The following SPATA7 variants were observed in gnomAD, a reference collection of about 807,000 sequenced individuals.
SPATA7 encodes spermatogenesis-associated protein 7.
In SPATA7, 43 loss-of-function variants were observed where a neutral mutation model predicts 51.8. The observed-to-expected ratio is 0.83, with a 90% CI of 0.65 to 1.07. The LOEUF (loss-of-function observed/expected upper bound fraction) is 1.07. SPATA7 is among the 50% of genes least tolerant of loss of function. The pLI is 0.00. For synonymous variants in SPATA7, 230 were observed against 252.8 expected (o/e 0.91, Z 0.86); for missense variants, 683 against 701.3 (o/e 0.97, Z 0.30).
intron 4 of SPATA7, chr14:88,467,888 G>C (rs1241650341): frequency 1.9e-6 from 1 of 536,094 alleles, no homozygotes; most frequent in Non-Finnish European, 3.3e-6. Flanking sequence ...CTGCAAACCG[G>C]ACAGACCGGG....
chr14:88,462,720 GTTTA>G (rs1231362896), intron 4 of SPATA7, among the ~76,000 whole-genome samples: 1 of 152,116 alleles, frequency 6.6e-6, no homozygotes, highest in Non-Finnish European at 1.5e-5. Context: ...TTTAAAGTGC[GTTTA>G]TTTGACACAC....
rs1199624480 is a variant in SPATA7, at chr14:88,385,744, C to T, written c.-75C>T. The T allele has an allele frequency of 3.4e-6, 5 of 1,450,968 alleles. No individual in the cohort carries two copies. Among genetic ancestry groups the T allele is most frequent in the Middle Eastern group, 1.8e-4 (1 of 5,484 alleles). 89.9% of individuals were successfully genotyped at this position (1,450,968 alleles called of 1,614,324 possible). A position where few individuals can be genotyped will look rare whatever the true frequency, so the allele number is the denominator to read the frequency against. ...CTCCTCTTTTCCAGTCCTCCACTGC[C>T]GGGGCTGGGCCCGGCCGCGGGAAGG... On this transcript the variant is annotated 5_prime_UTR_variant, in exon 1 of 12. Coordinates refer to ENST00000393545, the MANE Select transcript of SPATA7 (RefSeq NM_018418.5).
At chr14:88,415,295 C>T in intron 4 of SPATA7, 1 of 312,262 alleles carries the variant, frequency 3.2e-6, no homozygotes, top group African/African-American at 2.2e-5. Context: ...AATCCTTCGT[C>T]ATTATGTAAT....
chr14:88,417,989 A>G (rs1566771659), intron 5 of SPATA7, among the ~76,000 whole-genome samples: 1 of 152,186 alleles, frequency 6.6e-6, no homozygotes, highest in Non-Finnish European at 1.5e-5. Context: ...TTTTTAAGTC[A>G]TTATAGAATG....
At chr14:88,428,535 G>T (rs1448418465) in intron 7 of SPATA7, 1 of 152,136 alleles carries the variant, frequency 6.6e-6, no homozygotes, top group Non-Finnish European at 1.5e-5. Flanking sequence ...TAGAAAAACT[G>T]TACTTAACTT....
intron 4 of SPATA7, among the ~76,000 whole-genome samples, chr14:88,397,707 A>G (rs1021381256): frequency 2.0e-5 from 3 of 152,108 alleles, no homozygotes; most frequent in Non-Finnish European, 2.9e-5. Context: ...GAATCCTTAT[A>G]TATCTACCCT....
downstream of SPATA7, among the ~76,000 whole-genome samples, chr14:88,459,782 A>T (rs1243565346): frequency 1.3e-5 from 2 of 152,156 alleles, no homozygotes; most frequent in African/African-American, 2.4e-5. Context: ...TATTTTGCTC[A>T]TTAGTTGATG....
chr14:88,449,707 C>A (rs765338515), intron 3 of SPATA7, among the ~76,000 whole-genome samples: 6 of 152,026 alleles, frequency 3.9e-5, no homozygotes, highest in South Asian at 2.1e-4. Flanking sequence ...GTATTAACAT[C>A]TATCTCATTT....
exon 5 of SPATA7, chr14:88,470,086 G>A: frequency 6.3e-7 from 1 of 1,599,484 alleles, no homozygotes; most frequent in Non-Finnish European, 8.6e-7. Flanking sequence ...TTGATGTGTG[G>A]GTATAATATA....
chr14:88,452,503 C>CT (rs140429381), intron 3 of SPATA7, among the ~76,000 whole-genome samples: 10,862 of 152,038 alleles, frequency 0.071, 536 homozygotes, highest in Non-Finnish European at 0.11. Context: ...AGATTATGTC[C>CT]TTTTTTTTGG....
At chr14:88,444,053 C>CA (rs1566793435) in intron 3 of SPATA7, among the ~76,000 whole-genome samples, 274 of 151,712 alleles carry the variant, frequency 1.8e-3, no homozygotes, top group African/African-American at 6.6e-3. Context: ...CCTGAGGAAT[C>CA]GCCACACTGA....
rs138910583 is a variant in SPATA7, at chr14:88,463,966, G to A, written c.255-5881G>A. 3.7e-4 allele frequency among the ~76,000 whole-genome samples: 57 copies of A among 152,058 alleles called. 1 individual carries two copies. In the East Asian group the frequency reaches 0.011, roughly 30 times the overall value. On this transcript the variant is annotated intron_variant, in intron 4 of 4. Coordinates refer to the SPATA7 transcript ENST00000556406. Reference sequence around the variant, plus strand: ...GGGTTCAAGCAATTCTCCTGCCTCAGCCTCCCTGAGTAGCTGGACACGTGC... The same window carrying A: ...GGGTTCAAGCAATTCTCCTGCCTCAACCTCCCTGAGTAGCTGGACACGTGC...
chr14:88,408,591 C>T (rs1274381764), intron 4 of SPATA7, among the ~76,000 whole-genome samples: 1 of 152,148 alleles, frequency 6.6e-6, no homozygotes, highest in Admixed American at 6.5e-5. Flanking sequence ...TATGTGAATA[C>T]CCTGCATTTC....
At chr14:88,395,690 T>G (rs976641458) in intron 3 of SPATA7, among the ~76,000 whole-genome samples, 1 of 152,148 alleles carries the variant, frequency 6.6e-6, no homozygotes, top group Non-Finnish European at 1.5e-5. Flanking sequence ...CTTTTCTCTA[T>G]TTAATTGTCC....
chr14:88,432,992 G>C, intron 9 of SPATA7, 143 bp from the exon 10 acceptor site: 1 of 647,294 alleles, frequency 1.5e-6, no homozygotes, highest in Non-Finnish European at 2.7e-6. Context: ...TGTTTGTTTT[G>C]TAATATTCCC....
rs376584178 is a variant in SPATA7 at position 88,437,847 on chromosome 14, C to G, written c.1225C>G (p.Arg409Gly). The G allele has an allele frequency of 7.6e-6, 12 of 1,587,744 alleles. No individual in the cohort carries two copies. Among genetic ancestry groups the G allele is most frequent in the African/African-American group, 2.7e-5 (2 of 73,404 alleles). Residue 409 changes from arginine (R) to glycine (G), a missense_variant, in exon 12 of 12, where the codon CGC becomes GGC. By Grantham distance (125) the Arg-to-Gly change is moderately radical (BLOSUM62 -2). Transcript: ENST00000393545. ...QNKHLEEEKM[R>G]HLLHVLKVDL... ...CTTTTCTTAATCCTAGGAAAAAATGCGCCACCTGCTGCATGTCCTGAAAGT... is the reference window on the plus strand; with the variant it reads ...CTTTTCTTAATCCTAGGAAAAAATGGGCCACCTGCTGCATGTCCTGAAAGT...
chr14:88,467,186 C>T (rs1319046445), intron 4 of SPATA7: 2 of 149,854 alleles, frequency 1.3e-5, no homozygotes, highest in Admixed American at 6.6e-5. Flanking sequence ...TACTCTTAGT[C>T]CTTAATCTCT....
chr14:88,401,817 GCA>G, intron 4 of SPATA7, among the ~76,000 whole-genome samples: 1 of 120,696 alleles, frequency 8.3e-6, no homozygotes, highest in Non-Finnish European at 1.6e-5. Flanking sequence ...AGCTTGGGCA[GCA>G]GAGAAAGACC....
At chr14:88,422,710 A>G (rs2076680269) in intron 5 of SPATA7, among the ~76,000 whole-genome samples, 1 of 151,122 alleles carries the variant, frequency 6.6e-6, no homozygotes, top group Admixed American at 6.6e-5. Context: ...TTGCCTCCAT[A>G]AAGTTGTTAA....
Sources: allele counts gnomAD v4.1 joint callset (sites outside exome capture counted in the v4.1 genomes callset), GRCh38; gene constraint gnomAD v4.1.1; transcripts MANE v1.5; gene names NCBI Gene and HGNC (gene_info 2026-07-23, HGNC 2026-07-21).